The following SPOCK1 variants were observed in gnomAD, a reference collection of about 807,000 sequenced individuals.
SPOCK1 encodes SPARC (osteonectin), cwcv and kazal like domains proteoglycan 1.
In SPOCK1, 23 loss-of-function variants were observed where a neutral mutation model predicts 55.3. The observed-to-expected ratio is 0.42, with a 90% confidence interval of 0.30 to 0.59. The LOEUF (loss-of-function observed/expected upper bound fraction) is 0.59, where lower values mean the gene tolerates loss of function less well. Ranked by LOEUF, SPOCK1 falls within the 20% of genes least tolerant of loss-of-function variation. The pLI is 0.22. For missense variants in SPOCK1, 499 were observed against 552.5 expected, an observed-to-expected ratio of 0.90 and a Z score of 0.97; for synonymous variants, 226 against 221.0, an observed-to-expected ratio of 1.02 and a Z score of -0.20.
rs1478945584 is a variant in SPOCK1, at chr5:137,250,191, G to A, written c.232+16819C>T. 1.3e-5 allele frequency among the ~76,000 whole-genome samples: 2 copies of A among 152,180 alleles called. 1 individual carries two copies. The highest frequency in any genetic ancestry group is 6.3e-3 in the Middle Eastern group (2 of 316). ...AAAATGCAGCCACACCCACTCATTT[G>A]CATACTGTAATGGCAGCTTCCCTCT... On this transcript the variant is annotated intron_variant, in intron 3 of 10. Coordinates refer to ENST00000394945, the MANE Select transcript of SPOCK1 (RefSeq NM_004598.4).
At chr5:137,223,541 T>C (rs1325593695) in intron 3 of SPOCK1, among the ~76,000 whole-genome samples, 3 of 152,208 alleles carry the variant, frequency 2.0e-5, no homozygotes, top group Non-Finnish European at 4.4e-5. Flanking sequence ...CTGAGACTAA[T>C]GATTCACCAT....
chr5:137,255,804 A>C (rs1227914760), intron 3 of SPOCK1, among the ~76,000 whole-genome samples: 3 of 152,248 alleles, frequency 2.0e-5, no homozygotes, highest in African/African-American at 7.2e-5. Context: ...CCTGAATGTC[A>C]CAGTGGCTCC....
At chr5:137,174,972 T>C (rs1221617193) in intron 3 of SPOCK1, among the ~76,000 whole-genome samples, 2 of 152,150 alleles carry the variant, frequency 1.3e-5, no homozygotes, top group Non-Finnish European at 2.9e-5. Flanking sequence ...CTGTGTAGCA[T>C]TACAGGCCCA....
At chr5:137,223,827 TAA>T (rs1357676744) in intron 3 of SPOCK1, among the ~76,000 whole-genome samples, 2 of 151,984 alleles carry the variant, frequency 1.3e-5, no homozygotes, top group African/African-American at 4.8e-5. Context: ...AAAAAAAATA[TAA>T]AGCTAGTGGA....
At chr5:137,051,039 T>C (rs931799377) in intron 6 of SPOCK1, among the ~76,000 whole-genome samples, 16 of 152,204 alleles carry the variant, frequency 1.1e-4, no homozygotes, top group African/African-American at 3.9e-4. Flanking sequence ...TTCTTTAAAG[T>C]TTTCAAAATG....
intron 3 of SPOCK1, among the ~76,000 whole-genome samples, chr5:137,144,127 T>C (rs1754149073): frequency 6.6e-6 from 1 of 152,148 alleles, no homozygotes; most frequent in Non-Finnish European, 1.5e-5. Context: ...TCACCAGCCC[T>C]GATCTTTCCC....
At chr5:137,470,197 AT>A (rs1753706287) in intron 2 of SPOCK1, among the ~76,000 whole-genome samples, 1 of 152,152 alleles carries the variant, frequency 6.6e-6, no homozygotes, top group Non-Finnish European at 1.5e-5. Flanking sequence ...TTGTGGACGG[AT>A]TTGTGAGTGC....
intron 2 of SPOCK1, among the ~76,000 whole-genome samples, chr5:137,311,802 T>G (rs995118973): frequency 6.6e-6 from 1 of 152,164 alleles, no homozygotes; most frequent in African/African-American, 2.4e-5. Context: ...TTTTTAATTA[T>G]GAAAGAATAG....
chr5:137,216,813 C>G (rs545235667), intron 3 of SPOCK1, among the ~76,000 whole-genome samples: 1 of 152,096 alleles, frequency 6.6e-6, no homozygotes, highest in Non-Finnish European at 1.5e-5. Context: ...AATCAGGGGT[C>G]GGGGGTGTGT....
chr5:137,456,857 A>G (rs71589365), intron 2 of SPOCK1, among the ~76,000 whole-genome samples: 1,652 of 152,352 alleles, frequency 0.011, 20 homozygotes, highest in Middle Eastern at 0.027. Context: ...GACTACTTCA[A>G]TACAAGATAG....
At chr5:137,246,378 AC>A (rs755629827) in intron 3 of SPOCK1, among the ~76,000 whole-genome samples, 76 of 152,324 alleles carry the variant, frequency 5.0e-4, no homozygotes, top group Admixed American at 2.1e-3. Context: ...TTAGGATATG[AC>A]ATTTCCTTCT....
At chr5:137,240,908 C>A (rs551930199) in intron 3 of SPOCK1, among the ~76,000 whole-genome samples, 1 of 152,032 alleles carries the variant, frequency 6.6e-6, no homozygotes, top group African/African-American at 2.4e-5. Context: ...AGAAACTAAT[C>A]CAAATACAAA....
At chr5:137,008,315 CACA>C (rs1751290500) in intron 6 of SPOCK1, among the ~76,000 whole-genome samples, 1 of 151,694 alleles carries the variant, frequency 6.6e-6, no homozygotes, top group African/African-American at 2.4e-5. Context: ...CACACACACA[CACA>C]CACACACACA....
At chr5:137,396,451 G>T (rs966865131) in intron 2 of SPOCK1, among the ~76,000 whole-genome samples, 2 of 152,208 alleles carry the variant, frequency 1.3e-5, no homozygotes, top group African/African-American at 4.8e-5. Context: ...AAGAGGAATT[G>T]ATTTTTTAAA....
At position 137,338,343 on chromosome 5, in the gene SPOCK1, G is replaced by T. The variant is rs1361364416; in HGVS notation, c.187-71288C>A. Among the ~76,000 whole-genome samples the T allele has an allele frequency of 1.4e-3, 206 of 152,214 alleles. 1 individual carries two copies. The highest frequency in any genetic ancestry group is 4.5e-3 in the African/African-American group (186 of 41,528). On this transcript the variant is annotated intron_variant, in intron 2 of 10. Coordinates refer to ENST00000394945, the MANE Select transcript of SPOCK1 (RefSeq NM_004598.4). ...TTCATCCATGTCCCTACAAAGGACAGGAACTCATCCTTTTTTATGGCTGCA... is the reference window on the plus strand; with the variant it reads ...TTCATCCATGTCCCTACAAAGGACATGAACTCATCCTTTTTTATGGCTGCA...
intron 2 of SPOCK1, among the ~76,000 whole-genome samples, chr5:137,275,605 A>G (rs1045205518): frequency 2.6e-5 from 4 of 152,216 alleles, no homozygotes; most frequent in African/African-American, 9.6e-5. Flanking sequence ...ACTAAATCAC[A>G]GTGACTGAGG....
intron 4 of SPOCK1, among the ~76,000 whole-genome samples, chr5:137,130,707 G>T (rs530062235): frequency 6.6e-6 from 1 of 152,190 alleles, no homozygotes; most frequent in African/African-American, 2.4e-5. Flanking sequence ...TCACTGTTCC[G>T]AAGCTAGACT....
intron 2 of SPOCK1, among the ~76,000 whole-genome samples, chr5:137,269,898 T>G (rs1375508733): frequency 6.6e-6 from 1 of 152,088 alleles, no homozygotes. Flanking sequence ...AAGACTCAGG[T>G]GGCAGAGCCA....
intron 3 of SPOCK1, among the ~76,000 whole-genome samples, chr5:137,201,280 C>G (rs1402093357): frequency 6.6e-6 from 1 of 152,198 alleles, no homozygotes; most frequent in Non-Finnish European, 1.5e-5. Flanking sequence ...CAAAACAAAA[C>G]AGTCCTAATA....
Sources: gnomAD v4.1 joint callset for allele counts (sites outside exome capture counted in the v4.1 genomes callset) on GRCh38, gnomAD v4.1.1 for gene constraint, MANE v1.5 for transcripts, NCBI Gene and HGNC (gene_info 2026-07-23, HGNC 2026-07-21) for gene names.